Variants in WWOX observed in about 807,000 individuals in gnomAD.
WWOX encodes WW domain containing oxidoreductase.
Under a neutral mutation model 46.2 loss-of-function variants are expected in WWOX, and 69 were observed. That is an observed-to-expected ratio of 1.49 (90% confidence interval 1.23 to 1.82). WWOX has a LOEUF of 1.82. WWOX is among the 40% of genes most tolerant of loss of function. The pLI, the probability that WWOX is intolerant of heterozygous loss-of-function variation, is 0.00. For synonymous variants in WWOX, 359 were observed against 202.6 expected (o/e 1.77, Z -6.56); for missense variants, 919 against 542.6 (o/e 1.69, Z -6.89).
intron 5 of WWOX, among the ~76,000 whole-genome samples, chr16:78,239,904 T>C (rs753367686): frequency 6.6e-6 from 1 of 152,172 alleles, no homozygotes; most frequent in Non-Finnish European, 1.5e-5. Flanking sequence ...ACCAGGCACC[T>C]GTCTTTATAC....
chr16:78,376,337 C>T (rs1653590706), intron 5 of WWOX, among the ~76,000 whole-genome samples: 1 of 152,112 alleles, frequency 6.6e-6, no homozygotes, highest in Non-Finnish European at 1.5e-5. Context: ...AACTACAATA[C>T]TATGTTTTTA....
chr16:78,515,630 T>G (rs532984812), intron 8 of WWOX, among the ~76,000 whole-genome samples: 2 of 152,322 alleles, frequency 1.3e-5, no homozygotes, highest in South Asian at 4.1e-4. Flanking sequence ...CTAGGTGAGA[T>G]GGAAAGCTTC....
intron 8 of WWOX, among the ~76,000 whole-genome samples, chr16:78,859,429 G>T (rs542592169): frequency 5.3e-5 from 8 of 151,942 alleles, no homozygotes; most frequent in Admixed American, 5.2e-4. Context: ...GGAAGAACTG[G>T]GTCTACTATT....
intron 8 of WWOX, among the ~76,000 whole-genome samples, chr16:78,673,192 T>C (rs916569932): frequency 1.3e-5 from 2 of 152,118 alleles, no homozygotes; most frequent in Non-Finnish European, 2.9e-5. Flanking sequence ...TGAGGTGAGA[T>C]CAGTAGAAGA....
At chr16:78,905,396 T>C (rs1282342861) in intron 8 of WWOX, among the ~76,000 whole-genome samples, 1 of 152,234 alleles carries the variant, frequency 6.6e-6, no homozygotes, top group Non-Finnish European at 1.5e-5. Flanking sequence ...TTATTTATTT[T>C]TTTGGACAGG....
intron 8 of WWOX, among the ~76,000 whole-genome samples, chr16:79,036,734 G>C (rs766795751): frequency 6.6e-6 from 1 of 152,308 alleles, no homozygotes; most frequent in African/African-American, 2.4e-5. Flanking sequence ...TGCAGTGAGC[G>C]AAGGATTGGG....
In WWOX at chr16:78,802,931, AAAAAAAAAAAAC is replaced by A. The variant is rs1267992185; in HGVS notation, c.1056+370182_1056+370193del. On this transcript the variant is annotated intron_variant, in intron 8 of 8. Coordinates refer to ENST00000566780, the MANE Select transcript of WWOX (RefSeq NM_016373.4). ...ACTTCATCTGAAAAAAAAAAAAAAA[AAAAAAAAAAAAC>A]AACAAACAGAAAAATGAACGAGTGA... Among the ~76,000 whole-genome samples the A allele has an allele frequency of 9.7e-3, 1,034 of 106,678 alleles. 97 individuals carry two copies. Among genetic ancestry groups the A allele is most frequent in the East Asian group, 0.049 (210 of 4,254 alleles). The allele number at this position is 106,678 out of a possible 152,430, so 70.0% of individuals were successfully genotyped here.
intron 8 of WWOX, among the ~76,000 whole-genome samples, chr16:78,911,599 C>T (rs1278958765): frequency 2.6e-5 from 4 of 152,048 alleles, no homozygotes; most frequent in Non-Finnish European, 5.9e-5. Context: ...GGCACAGTGG[C>T]TCACACCTGT....
chr16:78,752,850 C>T (rs920712863), intron 8 of WWOX, among the ~76,000 whole-genome samples: 1 of 152,168 alleles, frequency 6.6e-6, no homozygotes, highest in East Asian at 1.9e-4. Context: ...CCAGGAATTC[C>T]AGGAGTCAGG....
At chr16:78,148,682 G>A (rs192465707) in intron 4 of WWOX, among the ~76,000 whole-genome samples, 150 of 151,878 alleles carry the variant, frequency 9.9e-4, no homozygotes, top group African/African-American at 3.5e-3. Context: ...TAGATCACGA[G>A]GTCAGGAGAT....
chr16:78,413,978 C>G (rs535521741), intron 6 of WWOX, among the ~76,000 whole-genome samples: 1 of 151,930 alleles, frequency 6.6e-6, no homozygotes, highest in Non-Finnish European at 1.5e-5. Context: ...AACTGAAGAA[C>G]TACAAAAGAA....
intron 8 of WWOX, among the ~76,000 whole-genome samples, chr16:78,894,473 C>T (rs925758371): frequency 6.6e-6 from 1 of 152,186 alleles, no homozygotes; most frequent in African/African-American, 2.4e-5. Flanking sequence ...TGTAGTCAGC[C>T]TCTCTACTGG....
At chr16:78,482,432 A>G (rs1185887956) in intron 8 of WWOX, among the ~76,000 whole-genome samples, 2 of 152,170 alleles carry the variant, frequency 1.3e-5, no homozygotes, top group Non-Finnish European at 2.9e-5. Flanking sequence ...CATGTTAGCC[A>G]TGCTGGCCTC....
At chr16:78,860,704 C>A (rs2052696165) in intron 8 of WWOX, among the ~76,000 whole-genome samples, 1 of 152,244 alleles carries the variant, frequency 6.6e-6, no homozygotes, top group Non-Finnish European at 1.5e-5. Context: ...GCAGTGCCAA[C>A]ATCCGCTTTA....
chr16:78,664,361 A>ATGTGGAAT (rs1193646942), intron 8 of WWOX, among the ~76,000 whole-genome samples: 1 of 152,114 alleles, frequency 6.6e-6, no homozygotes, highest in East Asian at 1.9e-4. Context: ...TGCGTGAGTG[A>ATGTGGAAT]TGTGGAATGA....
chr16:79,086,662 C>G (rs953898905), intron 8 of WWOX, among the ~76,000 whole-genome samples: 4 of 152,146 alleles, frequency 2.6e-5, no homozygotes, highest in African/African-American at 4.8e-5. Context: ...GGGAAAATCA[C>G]TAGAGTCCAG....
intron 4 of WWOX, among the ~76,000 whole-genome samples, chr16:78,129,154 C>T (rs777556330): frequency 7.2e-5 from 11 of 152,120 alleles, no homozygotes; most frequent in Non-Finnish European, 8.8e-5. Context: ...CCAGGGTTAG[C>T]GTCGCCACTT....
intron 8 of WWOX, among the ~76,000 whole-genome samples, chr16:78,636,113 C>G (rs1305031426): frequency 2.0e-5 from 3 of 152,100 alleles, no homozygotes; most frequent in African/African-American, 7.2e-5. Flanking sequence ...CTTTGACAGG[C>G]TCTTGCTATT....
At chr16:78,370,282 G>C (rs1317861074) in intron 5 of WWOX, among the ~76,000 whole-genome samples, 1 of 152,084 alleles carries the variant, frequency 6.6e-6, no homozygotes, top group African/African-American at 2.4e-5. Context: ...AAGATGGGAT[G>C]ATATTACCAC....
Sources: gnomAD v4.1 joint callset for allele counts (sites outside exome capture counted in the v4.1 genomes callset) on GRCh38, gnomAD v4.1.1 for gene constraint, MANE v1.5 for transcripts, NCBI Gene and HGNC (gene_info 2026-07-23, HGNC 2026-07-21) for gene names.